Variants in ZNF562 observed in about 807,000 individuals in gnomAD.
The protein encoded by ZNF562 is zinc finger protein 562.
ZNF562 carries 13 observed loss-of-function variants against 17.5 expected under a neutral mutation model. The observed-to-expected ratio is 0.74, with a 90% confidence interval of 0.48 to 1.18. The LOEUF is 1.18. ZNF562 is among the 50% of genes most tolerant of loss of function. ZNF562 has a pLI of 0.00. For synonymous variants in ZNF562, 163 were observed against 165.4 expected (o/e 0.99, Z 0.11); for missense variants, 481 against 498.5 (o/e 0.96, Z 0.33).
rs754619923 is a variant in ZNF562, at chr19:9,653,704, A to G, written c.526T>C (p.Ser176Pro). ...ACTTTTCCACATGGATTAAATTTGG[A>G]AAGTTCTTGTCCAATAGAGGCTTCC... ...HKEASIGQELSKFNPCGKVFT... is the reference protein window; with the variant it reads ...HKEASIGQELPKFNPCGKVFT... Residue 176 changes from serine (S) to proline (P), a missense_variant, in exon 6 of 6, where the codon TCC becomes CCC. Transcript: ENST00000453372. The G allele has an allele frequency of 3.7e-6, 6 of 1,613,954 alleles. No individual in the cohort carries two copies. The Admixed American group carries it at 6.7e-5, about 18-fold the overall frequency.
intron 1 of ZNF562, among the ~76,000 whole-genome samples, chr19:9,666,718 A>T (rs1248533328): frequency 6.6e-6 from 1 of 152,148 alleles, no homozygotes; most frequent in Non-Finnish European, 1.5e-5. Flanking sequence ...CCACAGAAAT[A>T]CAACCAATCA....
At chr19:9,654,935 C>T (rs2043405789) in intron 5 of ZNF562, among the ~76,000 whole-genome samples, 1 of 152,066 alleles carries the variant, frequency 6.6e-6, no homozygotes, top group Non-Finnish European at 1.5e-5. Flanking sequence ...CTCTTGATCT[C>T]TTGCCAGAAT....
At chr19:9,662,129 C>A (rs1568272751) in intron 1 of ZNF562, among the ~76,000 whole-genome samples, 1 of 152,102 alleles carries the variant, frequency 6.6e-6, no homozygotes, top group Non-Finnish European at 1.5e-5. Context: ...TGATATTTGA[C>A]CCTAGAGCCT....
In ZNF562 at chr19:9,653,329, A is replaced by G. The variant is rs200674061; in HGVS notation, c.901T>C (p.Ser301Pro). ...ATTTGAATGTGAACATTAAAGGATGAGGAATTTCTAAAGGATCTTCCACAT... is the reference window on the plus strand; with the variant it reads ...ATTTGAATGTGAACATTAAAGGATGGGGAATTTCTAAAGGATCTTCCACAT... ...KECGRSFRNS[S>P]SFNVHIQIHT... Residue 301 changes from serine (S) to proline (P), a missense_variant, in exon 6 of 6, where the codon TCA becomes CCA. Ser to Pro is a moderately conservative substitution (Grantham distance 74, BLOSUM62 -1). Around this residue, in one of 2 missense-constraint regions of ZNF562, gnomAD observed 403 missense variants for 386.4 expected, o/e 1.04. Coordinates refer to ENST00000453372, the MANE Select transcript of ZNF562 (RefSeq NM_001130031.2). 1.1e-4 allele frequency: 184 copies of G among 1,613,940 alleles called. No individual in the cohort carries two copies. Among genetic ancestry groups the G allele is most frequent in the Non-Finnish European group, 1.4e-4 (163 of 1,179,972 alleles).
rs759850610 is a variant in ZNF562 at position 9,653,857 on chromosome 19, T to A, written c.373A>T (p.Lys125Ter). 1 of 1,590,632 alleles carries A rather than the reference T, an allele frequency of 6.3e-7. No individual in the cohort carries two copies. Among genetic ancestry groups the A allele is most frequent in the Non-Finnish European group, 8.6e-7 (1 of 1,168,866 alleles). The change falls in exon 6 of 6, where the codon AAA becomes TAA. Residue 125 changes from lysine to a stop codon, truncating the protein, a stop_gained. Transcript: ENST00000453372. LOFTEE classifies it low-confidence loss of function (END_TRUNC). Reference protein sequence around the residue: ...QMQTRSYSGWKLCENCGEVFS... With the variant: ...QMQTRSYSGW ...ACCTCTCCACAATTCTCACAGAGTT[T>A]CCATCCACTGTAGCTTCTTGTCTGC...
In ZNF562 at chr19:9,644,771, C is replaced by G. The variant is rs530915658; in HGVS notation, c.*8178G>C. The G allele has an allele frequency of 2.0e-5, 3 of 152,164 alleles. No homozygotes were observed. Among genetic ancestry groups the G allele is most frequent in the Non-Finnish European group, 2.9e-5 (2 of 68,038 alleles). The allele number at this position is 152,164 out of a possible 1,614,324, so 9.4% of individuals were successfully genotyped here. On this transcript the variant is annotated 3_prime_UTR_variant, in exon 6 of 6. Coordinates refer to ENST00000453372, the MANE Select transcript of ZNF562 (RefSeq NM_001130031.2). Reference sequence around the variant, plus strand: ...ATTACTTGAACAGCATGGGGAAACCCCCCCCCATGATTCTATTACCTCCCA... The same window carrying G: ...ATTACTTGAACAGCATGGGGAAACCGCCCCCCATGATTCTATTACCTCCCA...
intron 1 of ZNF562, among the ~76,000 whole-genome samples, chr19:9,667,743 A>G (rs2083270139): frequency 6.6e-6 from 1 of 151,730 alleles, no homozygotes; most frequent in Admixed American, 6.6e-5. Context: ...GGCATGTGTG[A>G]CAATGCTAAC....
Position 9,642,140 on chromosome 19 carries a change from C to G in ZNF562, c.*10809G>C, listed in dbSNP as rs1000691418. 6.6e-6 allele frequency: 1 copy of G among 150,810 alleles called. No individual in the cohort carries two copies. Among genetic ancestry groups the G allele is most frequent in the African/African-American group, 2.4e-5 (1 of 40,902 alleles). The allele number at this position is 150,810 out of a possible 1,614,324, so 9.3% of individuals were successfully genotyped here. The stretch of plus-strand genomic sequence containing the variant: ...ATTCACTAGGTGGGGGAGGATGTAT[C>G]TTATAAAGTACATTCACAAGGGCAG... On this transcript the variant is annotated 3_prime_UTR_variant, in exon 6 of 6. Coordinates refer to ENST00000453372, the MANE Select transcript of ZNF562 (RefSeq NM_001130031.2).
chr19:9,651,920 C>G lies in ZNF562; in HGVS notation c.*1029G>C, dbSNP rs1054736306. 6.6e-6 allele frequency: 1 copy of G among 152,188 alleles called. No homozygotes were observed. Among genetic ancestry groups the G allele is most frequent in the African/African-American group, 2.4e-5 (1 of 41,436 alleles). 9.4% of individuals were successfully genotyped at this position (152,188 alleles called of 1,614,324 possible). On this transcript the variant is annotated 3_prime_UTR_variant, in exon 6 of 6. Transcript: ENST00000453372. ...CCACTGGGTTAGGGTCTCCACGACC[C>G]AGCTGGTCTCGGCAAAAATGCAAAA... is the stretch of plus-strand genomic sequence containing the variant.
At chr19:9,669,568 TA>T (rs2044068492) in intron 1 of ZNF562, among the ~76,000 whole-genome samples, 1 of 152,104 alleles carries the variant, frequency 6.6e-6, no homozygotes, top group African/African-American at 2.4e-5. Context: ...CTCAGGCCTT[TA>T]ATCCCAAAAC....
intron 2 of ZNF562, 84 bp from the exon 3 acceptor site, chr19:9,659,551 C>T (rs758737599): frequency 2.8e-5 from 42 of 1,485,538 alleles, no homozygotes; most frequent in Non-Finnish European, 3.6e-5. Flanking sequence ...GCTTGAAATT[C>T]CCATATGCTC....
rs2074902653 is a variant in ZNF562 at position 9,653,338 on chromosome 19, T to C, written c.892A>G (p.Arg298Gly). Residue 298 changes from arginine to glycine, a missense_variant, in exon 6 of 6, where the codon AGA becomes GGA. This residue lies in a region of ZNF562 where 403 missense variants were observed against 386.4 expected (regional missense o/e 1.04). Coordinates refer to ENST00000453372, the MANE Select transcript of ZNF562 (RefSeq NM_001130031.2). ...FECKECGRSF[R>G]NSSSFNVHIQ... ...TGAACATTAAAGGATGAGGAATTTC[T>C]AAAGGATCTTCCACATTCTTTACAT... 1 of 1,614,040 alleles carries C rather than the reference T, an allele frequency of 6.2e-7. No individual in the cohort carries two copies. Among genetic ancestry groups the C allele is most frequent in the South Asian group, 1.1e-5 (1 of 91,036 alleles).
chr19:9,656,441 G>T, intron 5 of ZNF562, 106 bp downstream of exon 5: 1 of 1,222,684 alleles, frequency 8.2e-7, no homozygotes, highest in Non-Finnish European at 1.2e-6. Context: ...CCTGGGAGTT[G>T]GAGGTTGCGG....
chr19:9,671,814 C>CTGT (rs2044210735), intron 1 of ZNF562, among the ~76,000 whole-genome samples: 1 of 152,220 alleles, frequency 6.6e-6, no homozygotes, highest in Admixed American at 6.5e-5. Flanking sequence ...TGCAGATTAA[C>CTGT]TGTTTTTCTC....
At position 9,653,883 on chromosome 19, in the gene ZNF562, T is replaced by C; in HGVS notation, c.349-2A>G. 6.5e-7 allele frequency: 1 copy of C among 1,548,384 alleles called. No individual in the cohort carries two copies. Among genetic ancestry groups the C allele is most frequent in the South Asian group, 1.3e-5 (1 of 78,276 alleles). ...CCATCCACTGTAGCTTCTTGTCTGC[T>C]GATGAGGGGATAAAGGATTTAAAAT... On this transcript the variant is annotated splice_acceptor_variant, in intron 5 of 5. Transcript: ENST00000453372. LOFTEE classifies it high-confidence loss of function.
At chr19:9,663,688 T>A (rs1343871326) in intron 1 of ZNF562, among the ~76,000 whole-genome samples, 2 of 152,062 alleles carry the variant, frequency 1.3e-5, no homozygotes, top group African/African-American at 4.8e-5. Context: ...TTTTTCTTTT[T>A]TTTTCTGAGA....
chr19:9,658,347 T>G, intron 3 of ZNF562: 1 of 984,740 alleles, frequency 1.0e-6, no homozygotes, highest in South Asian at 4.7e-5. Context: ...CTTTTTTTCT[T>G]TCTTTCTTTC....
Position 9,652,804 on chromosome 19 carries a change from C to T in ZNF562, c.*145G>A, listed in dbSNP as rs906452975. The T allele has an allele frequency of 1.6e-5, 11 of 675,736 alleles. No individual in the cohort carries two copies. Among genetic ancestry groups the T allele is most frequent in the Middle Eastern group, 3.4e-4 (1 of 2,926 alleles). The allele number at this position is 675,736 out of a possible 1,614,324, so 41.9% of individuals were successfully genotyped here. On this transcript the variant is annotated 3_prime_UTR_variant, in exon 6 of 6. Transcript: ENST00000453372. ...TATCCTTACATTCATAGTATTTCTC[C>T]CCAGTGTGAATTCTTTCATGCATAC... is the stretch of plus-strand genomic sequence containing the variant.
intron 1 of ZNF562, among the ~76,000 whole-genome samples, chr19:9,672,785 T>A: frequency 6.7e-6 from 1 of 149,596 alleles, no homozygotes; most frequent in Middle Eastern, 3.2e-3. Flanking sequence ...TTCTTTTTTT[T>A]TTTTTTTTTT....
Sources: gnomAD v4.1 joint callset for allele counts (sites outside exome capture counted in the v4.1 genomes callset) on GRCh38, gnomAD v4.1.1 for gene constraint, gnomAD v4.1.1 regional missense constraint, MANE v1.5 for transcripts, NCBI Gene and HGNC (gene_info 2026-07-23, HGNC 2026-07-21) for gene names.